Variants in RAB2A observed in about 807,000 individuals in gnomAD.
RAB2A encodes the protein RAB2A, member RAS oncogene family.
Under a neutral mutation model 32.5 loss-of-function variants are expected in RAB2A, and 7 were observed. The observed-to-expected ratio is 0.22, with a 90% CI of 0.12 to 0.40. The LOEUF (loss-of-function observed/expected upper bound fraction) is 0.40. RAB2A is among the 10% of genes least tolerant of loss of function. RAB2A has a pLI of 1.00. For synonymous variants in RAB2A, 79 were observed against 85.2 expected (o/e 0.93, Z 0.40); for missense variants, 108 against 260.7 (o/e 0.41, Z 4.03).
rs569084179 is a variant in RAB2A, at chr8:60,537,774, T to G, written c.46+20521T>G. On this transcript the variant is annotated intron_variant, in intron 1 of 7. Coordinates refer to ENST00000262646, the MANE Select transcript of RAB2A (RefSeq NM_002865.3). ...TGGCTCACTGCAGCCTTGACCTCCC[T>G]GGCTCAAGCAATCCTCCTGCCTCAG... Among the ~76,000 whole-genome samples the G allele has an allele frequency of 2.0e-5, 3 of 152,256 alleles. No individual in the cohort carries two copies. The South Asian group carries it at 6.2e-4, about 32-fold the overall frequency.
At chr8:60,543,654 C>T (rs1443298489) in intron 1 of RAB2A, among the ~76,000 whole-genome samples, 2 of 152,142 alleles carry the variant, frequency 1.3e-5, no homozygotes, top group Non-Finnish European at 2.9e-5. Flanking sequence ...CTACAGTAAA[C>T]CGCCAGAGAG....
intron 1 of RAB2A, among the ~76,000 whole-genome samples, chr8:60,551,344 G>T (rs1050557094): frequency 8.5e-5 from 13 of 152,222 alleles, no homozygotes; most frequent in Non-Finnish European, 1.3e-4. Flanking sequence ...AAAATGAATG[G>T]ATCATGGTTC....
rs201989396 is a variant in RAB2A, at chr8:60,605,853, A to AT, written c.475-12727_475-12726insT. Among the ~76,000 whole-genome samples, 152 of 115,016 alleles carry AT rather than the reference A, an allele frequency of 1.3e-3. 2 individuals carry two copies. Among genetic ancestry groups the AT allele is most frequent in the African/African-American group, 4.2e-3 (143 of 34,068 alleles). The allele number at this position is 115,016 out of a possible 152,430, so 75.5% of individuals were successfully genotyped here. On this transcript the variant is annotated intron_variant, in intron 6 of 7. Coordinates refer to ENST00000262646, the MANE Select transcript of RAB2A (RefSeq NM_002865.3). ...AATACATATATACATATATATATAT[A>AT]ATGCTTCATTTCAAGCTGGGGGTGG...
At chr8:60,612,975 C>T (rs1393853912) in intron 6 of RAB2A, among the ~76,000 whole-genome samples, 10 of 152,184 alleles carry the variant, frequency 6.6e-5, no homozygotes, top group Non-Finnish European at 1.3e-4. Flanking sequence ...TTCACTGACC[C>T]GAAATCAGAT....
At chr8:60,614,530 A>G (rs1295048313) in intron 6 of RAB2A, among the ~76,000 whole-genome samples, 1 of 152,158 alleles carries the variant, frequency 6.6e-6, no homozygotes, top group African/African-American at 2.4e-5. Flanking sequence ...CTGGGATTAC[A>G]GGTGCGAGCC....
intron 1 of RAB2A, among the ~76,000 whole-genome samples, chr8:60,517,577 C>T (rs2130800991): frequency 6.6e-6 from 1 of 152,170 alleles, no homozygotes; most frequent in Admixed American, 6.5e-5. Flanking sequence ...CATGACTGCA[C>T]CCCACCCCCA....
intron 6 of RAB2A, among the ~76,000 whole-genome samples, chr8:60,606,009 C>T (rs185076086): frequency 1.0e-3 from 159 of 151,936 alleles, no homozygotes; most frequent in African/African-American, 3.7e-3. Flanking sequence ...ATTAGCCGGG[C>T]GTGGTGGCTT....
At chr8:60,601,333 C>G (rs1804131561) in intron 6 of RAB2A, among the ~76,000 whole-genome samples, 1 of 151,890 alleles carries the variant, frequency 6.6e-6, no homozygotes, top group Admixed American at 6.6e-5. Context: ...TATGCATAGA[C>G]TTTATTTTCT....
At chr8:60,563,093 T>C (rs891288739) in intron 2 of RAB2A, among the ~76,000 whole-genome samples, 14 of 152,202 alleles carry the variant, frequency 9.2e-5, no homozygotes, top group African/African-American at 3.4e-4. Flanking sequence ...AGTAAGACAG[T>C]ATCTTGACTC....
intron 2 of RAB2A, among the ~76,000 whole-genome samples, chr8:60,562,320 A>G (rs6991047): frequency 0.09 from 12,565 of 138,984 alleles, 1,577 homozygotes; most frequent in African/African-American, 0.36. Context: ...ATTGTTCATA[A>G]TCAGGATTAG....
At chr8:60,529,153 A>G (rs935428957) in intron 1 of RAB2A, among the ~76,000 whole-genome samples, 11 of 149,850 alleles carry the variant, frequency 7.3e-5, no homozygotes, top group African/African-American at 2.5e-4. Flanking sequence ...TTCTGACTTT[A>G]TTACACTTAG....
chr8:60,543,745 C>T (rs1269407180), intron 1 of RAB2A, among the ~76,000 whole-genome samples: 1 of 152,066 alleles, frequency 6.6e-6, no homozygotes, highest in Non-Finnish European at 1.5e-5. Context: ...AAAACAATTC[C>T]GAAATCGTTC....
intron 3 of RAB2A, chr8:60,576,413 C>A (rs950446762): frequency 1.4e-5 from 5 of 367,614 alleles, no homozygotes; most frequent in Non-Finnish European, 2.2e-5. Flanking sequence ...TCCAGCATAT[C>A]CAAATACATT....
rs1807895213 is a variant in RAB2A, at chr8:60,553,896, A to G, written c.47-4956A>G. Among the ~76,000 whole-genome samples the G allele has an allele frequency of 2.0e-5, 3 of 152,182 alleles. No individual in the cohort carries two copies. The South Asian group carries it at 6.2e-4, about 31-fold the overall frequency. ...ACCAAAGAGGGTATATGAAGCTTTG[A>G]GTTGTCTTAAAGCATGAATTTAAAT... On this transcript the variant is annotated intron_variant, in intron 1 of 7. Coordinates refer to ENST00000262646, the MANE Select transcript of RAB2A (RefSeq NM_002865.3).
chr8:60,547,499 G>A (rs79276160), intron 1 of RAB2A, among the ~76,000 whole-genome samples: 4 of 151,192 alleles, frequency 2.6e-5, no homozygotes, highest in Admixed American at 6.6e-5. Context: ...CTCACCTCCC[G>A]GACAGGGCAG....
At position 60,516,989 on chromosome 8, in the gene RAB2A, T is replaced by C. The variant is rs1375424523; in HGVS notation, c.-219T>C. 4 of 440,544 alleles carry C rather than the reference T, an allele frequency of 9.1e-6. No homozygotes were observed. Among genetic ancestry groups the C allele is most frequent in the South Asian group, 4.7e-5 (1 of 21,456 alleles). 27.3% of individuals were successfully genotyped at this position (440,544 alleles called of 1,614,324 possible). ...GCGGAGGCGCCGCGGCGGCTGTTATTGTTCGGCTGGGCTCGGTCGGGCGCT... is the reference window on the plus strand; with the variant it reads ...GCGGAGGCGCCGCGGCGGCTGTTATCGTTCGGCTGGGCTCGGTCGGGCGCT... On this transcript the variant is annotated 5_prime_UTR_variant, in exon 1 of 8. Coordinates refer to ENST00000262646, the MANE Select transcript of RAB2A (RefSeq NM_002865.3).
intron 1 of RAB2A, among the ~76,000 whole-genome samples, chr8:60,524,146 ACT>A (rs1304537070): frequency 6.6e-6 from 1 of 150,814 alleles, no homozygotes; most frequent in Admixed American, 6.6e-5. Flanking sequence ...TCCTCTGGTG[ACT>A]CTCCCTACTC....
chr8:60,543,600 G>A (rs1807680002), intron 1 of RAB2A, among the ~76,000 whole-genome samples: 1 of 152,160 alleles, frequency 6.6e-6, no homozygotes, highest in Non-Finnish European at 1.5e-5. Flanking sequence ...TCTAGGGTCA[G>A]GACTTGGACA....
At chr8:60,574,318 G>A (rs1808238127) in intron 3 of RAB2A, among the ~76,000 whole-genome samples, 2 of 152,134 alleles carry the variant, frequency 1.3e-5, no homozygotes, top group South Asian at 4.1e-4. Context: ...ATGAGGGAAG[G>A]ATCCACCTAT....
Sources: gnomAD v4.1 joint callset for allele counts (sites outside exome capture counted in the v4.1 genomes callset) on GRCh38, gnomAD v4.1.1 for gene constraint, MANE v1.5 for transcripts, NCBI Gene and HGNC (gene_info 2026-07-23, HGNC 2026-07-21) for gene names.